The following HGD variants were observed in gnomAD, a reference collection of about 807,000 sequenced individuals.
HGD encodes the protein homogentisate 1,2-dioxygenase.
In HGD, 61 loss-of-function variants were observed where a neutral mutation model predicts 60.8. The ratio of observed to expected loss-of-function variants is 1.00; its 90% CI spans 0.82 to 1.24. HGD has a LOEUF of 1.24. HGD is among the 50% of genes most tolerant of loss of function. HGD has a pLI of 0.00. For synonymous variants in HGD, 212 were observed against 187.7 expected, an observed-to-expected ratio of 1.13 and a Z score of -1.06; for missense variants, 542 against 547.1, an observed-to-expected ratio of 0.99 and a Z score of 0.09.
intron 4 of HGD, chr3:120,670,143 C>T (rs1054705423): frequency 2.2e-6 from 1 of 448,516 alleles, no homozygotes; most frequent in Non-Finnish European, 4.1e-6. Context: ...CCCTTTCCGC[C>T]ATGATTGTAA....
chr3:120,647,179 G>A (rs1317741943), intron 7 of HGD, 127 bp from the exon 8 acceptor site: 3 of 746,330 alleles, frequency 4.0e-6, no homozygotes, highest in African/African-American at 1.7e-5. Context: ...TGAGTCTCTT[G>A]GGGAAAAAGA....
chr3:120,632,151 C>G (rs113798262), intron 13 of HGD, among the ~76,000 whole-genome samples: 223 of 152,256 alleles, frequency 1.5e-3, no homozygotes, highest in African/African-American at 5.2e-3. Context: ...GAACACCCTC[C>G]TTTTGCAAAG....
intron 4 of HGD, among the ~76,000 whole-genome samples, chr3:120,664,726 T>C (rs1271328796): frequency 6.6e-6 from 1 of 152,124 alleles, no homozygotes; most frequent in Non-Finnish European, 1.5e-5. Context: ...CCACTGTGCC[T>C]GGCCAGATAT....
At chr3:120,655,809 C>A (rs1576303590) in intron 4 of HGD, among the ~76,000 whole-genome samples, 1 of 152,208 alleles carries the variant, frequency 6.6e-6, no homozygotes, top group Non-Finnish European at 1.5e-5. Context: ...TCTCTGTGAT[C>A]TTCAGGAAAG....
chr3:120,667,050 T>G (rs1707914428), intron 4 of HGD, among the ~76,000 whole-genome samples: 2 of 151,910 alleles, frequency 1.3e-5, no homozygotes. Flanking sequence ...CTAAGCTGGG[T>G]GCAGTGGTGC....
chr3:120,668,650 C>G lies in HGD; in HGVS notation c.282+1777G>C, dbSNP rs554008028. On this transcript the variant is annotated intron_variant, in intron 4 of 13. Coordinates refer to ENST00000283871, the MANE Select transcript of HGD (RefSeq NM_000187.4). ...TGTAAATTCAGGTAAATATAAATAGCTGTATCAGAATCATGGTTCTTGCCT... is the reference window on the plus strand; with the variant it reads ...TGTAAATTCAGGTAAATATAAATAGGTGTATCAGAATCATGGTTCTTGCCT... Among the ~76,000 whole-genome samples, 11 of 152,220 alleles carry G rather than the reference C, an allele frequency of 7.2e-5. 1 individual carries two copies. The South Asian group carries it at 1.2e-3, about 17-fold the overall frequency.
intron 9 of HGD, among the ~76,000 whole-genome samples, chr3:120,645,044 A>G (rs1941117604): frequency 6.6e-6 from 1 of 152,230 alleles, no homozygotes; most frequent in Admixed American, 6.5e-5. Context: ...AAAAGACCAA[A>G]CATGAAAAAC....
chr3:120,652,616 A>G lies in HGD; in HGVS notation c.318T>C (p.Ser106=). 6 of 1,613,334 alleles carry G rather than the reference A, an allele frequency of 3.7e-6. No homozygotes were observed. Among genetic ancestry groups the G allele is most frequent in the Non-Finnish European group, 5.1e-6 (6 of 1,179,350 alleles). ...RWKPFEIPKA[S]QKKVDFVSGL... is the part of the protein sequence containing the mutation. ...CACTCACAAAGTCTACTTTCTTCTG[A>G]GATGCTTTTGGAATCTCAAATGGTT... The change falls in exon 5 of 14, where the codon TCT becomes TCC. Residue 106 remains serine (S), a synonymous_variant. Coordinates refer to ENST00000283871, the MANE Select transcript of HGD (RefSeq NM_000187.4).
At chr3:120,634,231 G>A (rs1559782110) in intron 12 of HGD, among the ~76,000 whole-genome samples, 1 of 152,132 alleles carries the variant, frequency 6.6e-6, no homozygotes, top group Non-Finnish European at 1.5e-5. Context: ...ATGGAAATTT[G>A]CTTTTATATG....
At chr3:120,680,181 C>G (rs1228910925) in intron 1 of HGD, among the ~76,000 whole-genome samples, 1 of 152,134 alleles carries the variant, frequency 6.6e-6, no homozygotes, top group East Asian at 1.9e-4. Context: ...AATTTTATTA[C>G]TTTATCTTTT....
chr3:120,641,450 C>T (rs1262116674), intron 11 of HGD, 139 bp downstream of exon 11: 6 of 709,406 alleles, frequency 8.5e-6, no homozygotes, highest in African/African-American at 1.7e-5. Context: ...TACTCCCTCA[C>T]CAAAGGACAA....
chr3:120,633,263 G>T lies in HGD; in HGVS notation c.1072C>A (p.Leu358Met). 6.2e-7 allele frequency: 1 copy of T among 1,614,046 alleles called. No homozygotes were observed. The highest frequency in any genetic ancestry group is 1.1e-5 in the South Asian group (1 of 91,080). ...GHYEAKQGGF[L>M]PGGGSLHSTM... ...CTGTGTAGACTCCCTCCCCCTGGCA[G>T]GAACCCACCTTGCTTTGCCTCATAG... Residue 358 changes from leucine (L) to methionine (M), a missense_variant, in exon 13 of 14, where the codon CTG (leucine) becomes ATG (methionine). This residue lies in a region of HGD where 537 missense variants were observed against 529.1 expected (regional missense o/e 1.01). Transcript: ENST00000283871.
Position 120,675,839 on chromosome 3 carries a change from A to C in HGD, c.40T>G (p.Cys14Gly). 1 of 1,613,604 alleles carries C rather than the reference A, an allele frequency of 6.2e-7. No individual in the cohort carries two copies. Among genetic ancestry groups the C allele is most frequent in the East Asian group, 2.2e-5 (1 of 44,876 alleles). Reference protein sequence around the residue: ...LKYISGFGNECSSEDPRCPGS... With the variant: ...LKYISGFGNEGSSEDPRCPGS... ...GGGCAGCGAGGATCCTCTGAAGAAC[A>C]CTCATTCCCAAATCCAGAAATGTAC... The change falls in exon 2 of 14, where the codon TGT becomes GGT. Residue 14 changes from cysteine to glycine, a missense_variant. Physicochemically the swap from Cys to Gly is radical, Grantham distance 159 (BLOSUM62 -3). Coordinates refer to ENST00000283871, the MANE Select transcript of HGD (RefSeq NM_000187.4).
intron 1 of HGD, among the ~76,000 whole-genome samples, chr3:120,679,980 GTC>G (rs1258259627): frequency 6.6e-6 from 1 of 152,204 alleles, no homozygotes; most frequent in Non-Finnish European, 1.5e-5. Flanking sequence ...AGTAGGTCCT[GTC>G]TCTGGCTAAT....
At chr3:120,681,404 T>G (rs987342938) in intron 1 of HGD, among the ~76,000 whole-genome samples, 4 of 152,244 alleles carry the variant, frequency 2.6e-5, no homozygotes, top group Non-Finnish European at 5.9e-5. Flanking sequence ...GGCCCCTTTT[T>G]GAGCCTGGAC....
intron 4 of HGD, among the ~76,000 whole-genome samples, chr3:120,655,809 C>T (rs1576303590): frequency 6.6e-6 from 1 of 152,326 alleles, no homozygotes; most frequent in East Asian, 1.9e-4. Flanking sequence ...TCTCTGTGAT[C>T]TTCAGGAAAG....
chr3:120,638,332 G>A, intron 12 of HGD, 123 bp downstream of exon 12: 1 of 1,181,136 alleles, frequency 8.5e-7, no homozygotes, highest in East Asian at 2.3e-5. Context: ...TGTGCAGCAG[G>A]ATCCTGAATT....
In HGD at chr3:120,629,897, C is replaced by T. The variant is rs1940530900; in HGVS notation, c.1189-1368G>A. ...ACACCATAGTCTCAGCCCAAAAGCTCCTTCAACCAATAAACAACTTTCAGC... is the reference window on the plus strand; with the variant it reads ...ACACCATAGTCTCAGCCCAAAAGCTTCTTCAACCAATAAACAACTTTCAGC... On this transcript the variant is annotated intron_variant, in intron 13 of 13. Coordinates refer to ENST00000283871, the MANE Select transcript of HGD (RefSeq NM_000187.4). 2.6e-5 allele frequency among the ~76,000 whole-genome samples: 4 copies of T among 152,154 alleles called. No individual in the cohort carries two copies. In the South Asian group the frequency reaches 8.3e-4, roughly 32 times the overall value.
chr3:120,664,426 C>T (rs1372564871), intron 4 of HGD, among the ~76,000 whole-genome samples: 50 of 118,762 alleles, frequency 4.2e-4, no homozygotes, highest in South Asian at 8.3e-4. Context: ...TTTTTTCTTC[C>T]TTTTTTTTTT....
Sources: gnomAD v4.1 joint callset for allele counts (sites outside exome capture counted in the v4.1 genomes callset) on GRCh38, gnomAD v4.1.1 for gene constraint, gnomAD v4.1.1 regional missense constraint, MANE v1.5 for transcripts, NCBI Gene and HGNC (gene_info 2026-07-23, HGNC 2026-07-21) for gene names.